Variants in PCDH15 observed in about 807,000 individuals in gnomAD.
The protein encoded by PCDH15 is protocadherin related 15.
PCDH15 carries 129 observed loss-of-function variants against 178.5 expected under a neutral mutation model. The observed-to-expected ratio is 0.72, with a 90% CI of 0.63 to 0.84. The LOEUF (loss-of-function observed/expected upper bound fraction) is 0.84. Among genes scored for constraint, PCDH15 ranks in the 40% least tolerant of loss-of-function variants. The pLI, the probability that PCDH15 is intolerant of heterozygous loss-of-function variation, is 0.00. For missense variants in PCDH15, 2,230 were observed against 2,099.9 expected (o/e 1.06, Z -1.21); for synonymous variants, 800 against 732.0 (o/e 1.09, Z -1.50).
intron 14 of PCDH15, among the ~76,000 whole-genome samples, chr10:54,133,213 C>T (rs1022388804): frequency 2.6e-5 from 4 of 152,136 alleles, no homozygotes; most frequent in African/African-American, 7.2e-5. Flanking sequence ...GTAATTGACT[C>T]CAGTATCTGT....
intron 8 of PCDH15, among the ~76,000 whole-genome samples, chr10:54,302,129 C>T (rs2060184045): frequency 1.3e-5 from 2 of 152,000 alleles, no homozygotes; most frequent in Admixed American, 6.6e-5. Flanking sequence ...TAATGAATAG[C>T]AGTCTGGATT....
rs375102181 is a variant in PCDH15 at position 54,856,562 on chromosome 10, T to C, written c.-29+40888A>G. On this transcript the variant is annotated intron_variant, in intron 3 of 5. Coordinates refer to the PCDH15 transcript ENST00000458638. Reference sequence around the variant, plus strand: ...TATATAAACATTTGCCCCTATTTTATAGCTTCCCTAATATTCAAGCCACAA... The same window carrying C: ...TATATAAACATTTGCCCCTATTTTACAGCTTCCCTAATATTCAAGCCACAA... 3.9e-5 allele frequency among the ~76,000 whole-genome samples: 6 copies of C among 152,222 alleles called. No homozygotes were observed. In the East Asian group the frequency reaches 1.2e-3, roughly 29 times the overall value.
At chr10:54,608,533 C>T (rs2092848521) in intron 2 of PCDH15, among the ~76,000 whole-genome samples, 2 of 151,958 alleles carry the variant, frequency 1.3e-5, no homozygotes, top group Admixed American at 1.3e-4. Context: ...ATAGATTGAA[C>T]CCAGGATATC....
intron 2 of PCDH15, among the ~76,000 whole-genome samples, chr10:55,566,990 A>T (rs1000896763): frequency 2.6e-5 from 4 of 152,090 alleles, no homozygotes; most frequent in African/African-American, 9.6e-5. Flanking sequence ...GATCCTAGAA[A>T]AGAACAAGCT....
upstream of PCDH15, among the ~76,000 whole-genome samples, chr10:54,803,819 A>T (rs1952730497): frequency 1.3e-5 from 2 of 152,226 alleles, no homozygotes; most frequent in South Asian, 4.1e-4. Flanking sequence ...CATTGAAAAC[A>T]TTAACATTTA....
chr10:54,950,734 A>C (rs1402148516), intron 2 of PCDH15, among the ~76,000 whole-genome samples: 1 of 151,700 alleles, frequency 6.6e-6, no homozygotes, highest in Non-Finnish European at 1.5e-5. Context: ...GGGGGAAACC[A>C]CTCCTATGAT....
chr10:55,140,650 CTT>C (rs889938610), intron 2 of PCDH15, among the ~76,000 whole-genome samples: 41 of 152,028 alleles, frequency 2.7e-4, no homozygotes, highest in African/African-American at 8.4e-4. Context: ...ATTGTGCTCT[CTT>C]GATCTATTTT....
At chr10:55,601,250 A>C (rs766272310) in intron 2 of PCDH15, among the ~76,000 whole-genome samples, 1 of 152,208 alleles carries the variant, frequency 6.6e-6, no homozygotes, top group Non-Finnish European at 1.5e-5. Context: ...ACATACACTT[A>C]TATATTGAAT....
At chr10:54,771,825 TAC>T (rs1234734158) in intron 1 of PCDH15, among the ~76,000 whole-genome samples, 86 of 152,286 alleles carry the variant, frequency 5.6e-4, no homozygotes, top group African/African-American at 1.8e-3. Context: ...TTTATTTGCT[TAC>T]ACATGAAGAA....
intron 2 of PCDH15, among the ~76,000 whole-genome samples, chr10:55,133,264 C>T (rs1045245430): frequency 2.6e-5 from 4 of 152,142 alleles, no homozygotes; most frequent in Non-Finnish European, 5.9e-5. Flanking sequence ...GTTGCTAAAT[C>T]CAATGAGAAG....
chr10:53,823,695 C>G (rs2076474102), intron 32 of PCDH15: 1 of 462,110 alleles, frequency 2.2e-6, no homozygotes. Context: ...TTCCCTTATG[C>G]ACAAATCACA....
intron 3 of PCDH15, among the ~76,000 whole-genome samples, chr10:54,516,183 T>C (rs1475231899): frequency 6.6e-6 from 1 of 152,140 alleles, no homozygotes; most frequent in Non-Finnish European, 1.5e-5. Context: ...AGGCTTCAGA[T>C]GATCAAACTA....
chr10:54,304,866 CT>C (rs58915122), intron 8 of PCDH15, among the ~76,000 whole-genome samples: 109 of 150,656 alleles, frequency 7.2e-4, no homozygotes, highest in Middle Eastern at 3.4e-3. Flanking sequence ...GTTTATTTCC[CT>C]TTTTTTTTGT....
At chr10:55,127,953 T>C (rs1339643882) in intron 2 of PCDH15, among the ~76,000 whole-genome samples, 1 of 152,046 alleles carries the variant, frequency 6.6e-6, no homozygotes, top group Non-Finnish European at 1.5e-5. Flanking sequence ...CAGTCCCAAG[T>C]GGTTTTCAAG....
intron 2 of PCDH15, among the ~76,000 whole-genome samples, chr10:54,641,703 T>G (rs866180648): frequency 5.1e-5 from 7 of 136,304 alleles, no homozygotes; most frequent in African/African-American, 7.4e-5. Context: ...TAAACTACTA[T>G]TATCTCTCCG....
chr10:55,132,032 G>C (rs1465150382), intron 2 of PCDH15, among the ~76,000 whole-genome samples: 1 of 152,072 alleles, frequency 6.6e-6, no homozygotes, highest in African/African-American at 2.4e-5. Context: ...ATGTGGATGG[G>C]TGCCTGCAGC....
At chr10:53,976,900 C>T (rs1015880864) in intron 21 of PCDH15, among the ~76,000 whole-genome samples, 18 of 151,332 alleles carry the variant, frequency 1.2e-4, no homozygotes, top group African/African-American at 3.9e-4. Flanking sequence ...TCGGGCCTCC[C>T]AGAGAGTATC....
intron 2 of PCDH15, among the ~76,000 whole-genome samples, chr10:55,345,121 T>A (rs1055979605): frequency 9.2e-5 from 14 of 151,484 alleles, no homozygotes; most frequent in Middle Eastern, 3.4e-3. Flanking sequence ...ATATACTATG[T>A]CCTAAAAGTG....
upstream of PCDH15, among the ~76,000 whole-genome samples, chr10:55,322,107 C>G (rs1843916478): frequency 6.6e-6 from 1 of 152,190 alleles, no homozygotes; most frequent in African/African-American, 2.4e-5. Context: ...ATAATTGAAT[C>G]ATGGGAGGGG....
Sources: gnomAD v4.1 joint callset for allele counts (sites outside exome capture counted in the v4.1 genomes callset) on GRCh38, gnomAD v4.1.1 for gene constraint, MANE v1.5 for transcripts, NCBI Gene and HGNC (gene_info 2026-07-23, HGNC 2026-07-21) for gene names.